Variants in DGKB observed in about 807,000 individuals in gnomAD.
DGKB encodes the protein diacylglycerol kinase beta, also known as 90 kDa diacylglycerol kinase.
A neutral mutation model predicts 114.3 loss-of-function variants in DGKB; 67 were observed. The ratio of observed to expected loss-of-function variants is 0.59; its 90% CI spans 0.48 to 0.72. The LOEUF (loss-of-function observed/expected upper bound fraction) is 0.72, where lower values mean the gene tolerates loss of function less well. DGKB is among the 30% of genes least tolerant of loss of function. The pLI, the probability that DGKB is intolerant of heterozygous loss-of-function variation, is 0.00. For synonymous variants in DGKB, 398 were observed against 323.1 expected (o/e 1.23, Z -2.49); for missense variants, 907 against 975.2 (o/e 0.93, Z 0.93).
chr7:14,923,723 G>A (rs1784616489), intron 1 of DGKB, among the ~76,000 whole-genome samples: 1 of 151,968 alleles, frequency 6.6e-6, no homozygotes, highest in African/African-American at 2.4e-5. Context: ...GGCCGGGCAC[G>A]GTGGCACATG....
intron 21 of DGKB, among the ~76,000 whole-genome samples, chr7:14,475,544 C>G (rs773665867): frequency 6.6e-6 from 1 of 151,950 alleles, no homozygotes; most frequent in African/African-American, 2.4e-5. Context: ...AATATTTGGC[C>G]AATAATACAT....
chr7:14,586,775 G>A (rs1407630001), intron 17 of DGKB, among the ~76,000 whole-genome samples: 1 of 151,170 alleles, frequency 6.6e-6, no homozygotes, highest in Non-Finnish European at 1.5e-5. Flanking sequence ...ATAAATGGTG[G>A]AACAAAGCGT....
chr7:14,289,682 C>T (rs1189266176), intron 23 of DGKB, among the ~76,000 whole-genome samples: 1 of 149,848 alleles, frequency 6.7e-6, no homozygotes, highest in Non-Finnish European at 1.5e-5. Context: ...TTTAAAAGTC[C>T]CTTTCTTTAC....
chr7:14,278,142 C>G (rs1222262299), intron 23 of DGKB, among the ~76,000 whole-genome samples: 1 of 151,734 alleles, frequency 6.6e-6, no homozygotes, highest in African/African-American at 2.4e-5. Flanking sequence ...AGAAAAAACA[C>G]TCTTTAAATT....
intron 20 of DGKB, among the ~76,000 whole-genome samples, chr7:14,490,827 A>T (rs1784493359): frequency 6.6e-6 from 1 of 152,170 alleles, no homozygotes; most frequent in Non-Finnish European, 1.5e-5. Flanking sequence ...ATTTCTACAA[A>T]ATATTTCACT....
chr7:14,933,785 G>C (rs1043718260), intron 1 of DGKB, among the ~76,000 whole-genome samples: 3 of 151,928 alleles, frequency 2.0e-5, no homozygotes, highest in Admixed American at 1.3e-4. Context: ...GCTGCTCTTC[G>C]ATTATGATTA....
intron 8 of DGKB, among the ~76,000 whole-genome samples, chr7:14,696,464 CGCAG>C (rs1823922597): frequency 7.5e-6 from 1 of 133,986 alleles, no homozygotes; most frequent in Non-Finnish European, 1.6e-5. Context: ...CACTGCAGTC[CGCAG>C]TCCGGCCTGG....
In DGKB at chr7:14,943,743, CA is replaced by C. The variant is rs1163681784; in HGVS notation, c.-188+30952del. Among the ~76,000 whole-genome samples, 8 of 151,818 alleles carry C rather than the reference CA, an allele frequency of 5.3e-5. No individual in the cohort carries two copies. The East Asian group carries it at 1.5e-3, about 29-fold the overall frequency. On this transcript the variant is annotated intron_variant, in intron 1 of 4. Coordinates refer to the DGKB transcript ENST00000437998. ...AGAATTTTGTGATGCAGTTGTCAAACACAGCTATCATTAAAATTAAAATAAC... is the reference window on the plus strand; with the variant it reads ...AGAATTTTGTGATGCAGTTGTCAAACCAGCTATCATTAAAATTAAAATAAC...
At chr7:14,807,701 C>T (rs760244985) in intron 2 of DGKB, among the ~76,000 whole-genome samples, 7 of 151,948 alleles carry the variant, frequency 4.6e-5, no homozygotes, top group Non-Finnish European at 8.8e-5. Flanking sequence ...GAAGCTCTTG[C>T]TTTCGATGAT....
chr7:14,380,649 AAATTT>A (rs1171139369), intron 21 of DGKB, among the ~76,000 whole-genome samples: 6 of 152,254 alleles, frequency 3.9e-5, no homozygotes, highest in African/African-American at 1.4e-4. Context: ...ATTAGAAAAC[AAATTT>A]AATAATAAGG....
At chr7:14,782,257 C>G (rs1158360658) in intron 2 of DGKB, among the ~76,000 whole-genome samples, 1 of 152,152 alleles carries the variant, frequency 6.6e-6, no homozygotes, top group Non-Finnish European at 1.5e-5. Context: ...AACTCCTGGC[C>G]TCAAGTGATC....
rs915231568 is a variant in DGKB, at chr7:14,477,757, T to C, written c.1835+404A>G. Among the ~76,000 whole-genome samples, 5 of 152,304 alleles carry C rather than the reference T, an allele frequency of 3.3e-5. No homozygotes were observed. The South Asian group carries it at 8.3e-4, about 25-fold the overall frequency. On this transcript the variant is annotated intron_variant, in intron 21 of 25. Transcript: ENST00000402815. ...TTAGTTTAGGCCAATTTGAAGCTGATAGTCCAAAGATATATAATCCCTATG... is the reference window on the plus strand; with the variant it reads ...TTAGTTTAGGCCAATTTGAAGCTGACAGTCCAAAGATATATAATCCCTATG...
chr7:14,189,035 A>C (rs1341188212), intron 23 of DGKB, among the ~76,000 whole-genome samples: 1 of 152,244 alleles, frequency 6.6e-6, no homozygotes, highest in Admixed American at 6.5e-5. Context: ...GAAACACTTG[A>C]GAGTGCTACA....
At chr7:14,878,407 G>A (rs1417080114) in intron 1 of DGKB, among the ~76,000 whole-genome samples, 2 of 152,126 alleles carry the variant, frequency 1.3e-5, no homozygotes, top group Non-Finnish European at 2.9e-5. Flanking sequence ...TCGAAAGTAG[G>A]TGAAGAGTCA....
chr7:14,166,666 T>A (rs2128230398), intron 25 of DGKB, among the ~76,000 whole-genome samples: 1 of 152,256 alleles, frequency 6.6e-6, no homozygotes, highest in African/African-American at 2.4e-5. Flanking sequence ...CTGAAGTTGC[T>A]GAAAAGAAAA....
At chr7:14,322,264 A>T (rs1338017774) in intron 23 of DGKB, among the ~76,000 whole-genome samples, 2 of 152,128 alleles carry the variant, frequency 1.3e-5, no homozygotes, top group Non-Finnish European at 2.9e-5. Context: ...CCAAAGCTTA[A>T]AATATCTACT....
At chr7:14,346,766 TG>T (rs1229469351) in intron 21 of DGKB, among the ~76,000 whole-genome samples, 6 of 151,988 alleles carry the variant, frequency 3.9e-5, no homozygotes, top group Non-Finnish European at 8.8e-5. Context: ...ATTTACACAC[TG>T]AAGTCATGTA....
intron 2 of DGKB, among the ~76,000 whole-genome samples, chr7:14,838,766 C>T (rs1847508082): frequency 6.6e-6 from 1 of 152,138 alleles, no homozygotes; most frequent in African/African-American, 2.4e-5. Context: ...CATAACATTG[C>T]TTCTGTCACT....
chr7:14,225,641 G>A (rs933265766), intron 23 of DGKB, among the ~76,000 whole-genome samples: 5 of 151,998 alleles, frequency 3.3e-5, no homozygotes, highest in African/African-American at 1.2e-4. Flanking sequence ...ATTAACAAGA[G>A]TGATCGGAAT....
Sources: allele counts gnomAD v4.1 joint callset (sites outside exome capture counted in the v4.1 genomes callset), GRCh38; gene constraint gnomAD v4.1.1; transcripts MANE v1.5; gene names NCBI Gene and HGNC (gene_info 2026-07-23, HGNC 2026-07-21).